Variants in PHLPP1 observed in about 807,000 individuals in gnomAD.
The protein encoded by PHLPP1 is PH domain and leucine rich repeat protein phosphatase 1, also known as PH domain leucine-rich repeat-containing protein phosphatase 1.
Under a neutral mutation model 117.2 loss-of-function variants are expected in PHLPP1, and 42 were observed. That is an observed-to-expected ratio of 0.36 (90% confidence interval 0.28 to 0.46). The LOEUF (loss-of-function observed/expected upper bound fraction) is 0.46. Among genes scored for constraint, PHLPP1 ranks in the 20% least tolerant of loss-of-function variants. PHLPP1 has a pLI of 1.00. For missense variants in PHLPP1, 2,084 were observed against 2,241.9 expected (o/e 0.93, Z 1.42); for synonymous variants, 1,042 against 970.7 (o/e 1.07, Z -1.37).
intron 2 of PHLPP1, among the ~76,000 whole-genome samples, chr18:62,831,856 A>G (rs559437608): frequency 6.6e-6 from 1 of 152,300 alleles, no homozygotes; most frequent in East Asian, 1.9e-4. Context: ...ATCATTTTCA[A>G]AAATAGGTTT....
At chr18:62,955,463 G>C (rs915513162) in intron 12 of PHLPP1, among the ~76,000 whole-genome samples, 11 of 152,156 alleles carry the variant, frequency 7.2e-5, no homozygotes, top group African/African-American at 2.7e-4. Context: ...GGTGCAGCCA[G>C]AGCCCTCCGG....
chr18:62,749,692 T>C (rs1040610542), intron 1 of PHLPP1, among the ~76,000 whole-genome samples: 1 of 152,176 alleles, frequency 6.6e-6, no homozygotes, highest in Non-Finnish European at 1.5e-5. Context: ...ACATCTCTGG[T>C]GTCTCTTGTG....
At chr18:62,772,525 T>C (rs1470134070) in intron 1 of PHLPP1, among the ~76,000 whole-genome samples, 1 of 152,128 alleles carries the variant, frequency 6.6e-6, no homozygotes, top group African/African-American at 2.4e-5. Flanking sequence ...AATTTTATTG[T>C]TTTTAAAAAA....
At chr18:62,895,348 A>G (rs947726982) in intron 5 of PHLPP1, among the ~76,000 whole-genome samples, 191 bp downstream of exon 5, 1 of 152,250 alleles carries the variant, frequency 6.6e-6, no homozygotes, top group African/African-American at 2.4e-5. Context: ...AGTCTTGTAA[A>G]AAAATTAAAT....
intron 1 of PHLPP1, among the ~76,000 whole-genome samples, chr18:62,788,938 G>T (rs925176416): frequency 1.3e-5 from 2 of 151,890 alleles, no homozygotes; most frequent in Non-Finnish European, 2.9e-5. Flanking sequence ...TAAGAGGTGT[G>T]TTTAAAAAAA....
chr18:62,781,401 G>A (rs976136178), intron 1 of PHLPP1, among the ~76,000 whole-genome samples: 13 of 152,176 alleles, frequency 8.5e-5, no homozygotes, highest in African/African-American at 3.1e-4. Flanking sequence ...ACAGGTGTCT[G>A]CTTCATCTTA....
intron 1 of PHLPP1, among the ~76,000 whole-genome samples, chr18:62,787,481 T>C (rs1913327827): frequency 6.6e-6 from 1 of 152,182 alleles, no homozygotes; most frequent in Non-Finnish European, 1.5e-5. Context: ...AGCATCGTTT[T>C]GAAGGGAGGA....
intron 1 of PHLPP1, among the ~76,000 whole-genome samples, chr18:62,748,797 A>G (rs1448790736): frequency 6.6e-6 from 1 of 152,152 alleles, no homozygotes; most frequent in African/African-American, 2.4e-5. Context: ...TATGGATTCA[A>G]TCTATTTATA....
At chr18:62,880,640 A>T (rs527305164) in intron 4 of PHLPP1, among the ~76,000 whole-genome samples, 1 of 152,324 alleles carries the variant, frequency 6.6e-6, no homozygotes, top group African/African-American at 2.4e-5. Flanking sequence ...ATGAAAAAAA[A>T]ATGTAGTCAT....
intron 9 of PHLPP1, 88 bp downstream of exon 9, chr18:62,915,096 G>A: frequency 2.2e-6 from 2 of 913,240 alleles, no homozygotes; most frequent in Non-Finnish European, 3.4e-6. Flanking sequence ...GGTATCATAA[G>A]CCTAAAAGAG....
chr18:62,844,882 T>C (rs1163039624), intron 3 of PHLPP1, among the ~76,000 whole-genome samples: 2 of 152,218 alleles, frequency 1.3e-5, no homozygotes, highest in Non-Finnish European at 2.9e-5. Flanking sequence ...CCAATATTGA[T>C]TAGCTAGATG....
At chr18:62,777,740 T>C (rs1300612766) in intron 1 of PHLPP1, among the ~76,000 whole-genome samples, 1 of 152,158 alleles carries the variant, frequency 6.6e-6, no homozygotes, top group Non-Finnish European at 1.5e-5. Context: ...ATTTCTGTTT[T>C]AGAAAGGACT....
rs534709974 is a variant in PHLPP1, at chr18:62,776,415, T to C, written c.1577-53620T>C. 2.4e-4 allele frequency among the ~76,000 whole-genome samples: 37 copies of C among 152,336 alleles called. 1 individual carries two copies. In the South Asian group the frequency reaches 7.0e-3, roughly 29 times the overall value. On this transcript the variant is annotated intron_variant, in intron 1 of 16. Transcript: ENST00000262719. The stretch of plus-strand genomic sequence containing the variant: ...ACCCACATTATAGAGGGAAGTCTAC[T>C]TAAAGTCAACTGAGTGTAGTTAATC...
At chr18:62,969,706 C>A (rs1049016446) in intron 14 of PHLPP1, among the ~76,000 whole-genome samples, 1 of 152,194 alleles carries the variant, frequency 6.6e-6, no homozygotes, top group Non-Finnish European at 1.5e-5. Context: ...GAACTGACCC[C>A]TTTATCATTA....
At position 62,972,535 on chromosome 18, in the gene PHLPP1, G is replaced by C; in HGVS notation, c.3582G>C (p.Ser1194=). ...GCAGGTTGTGTGTCGCAGCCCTGTCGGTGAATAACTTCTGTGACAACCGCG... is the reference window on the plus strand; with the variant it reads ...GCAGGTTGTGTGTCGCAGCCCTGTCCGTGAATAACTTCTGTGACAACCGCG... ...VKNKLCVAAL[S]VNNFCDNREA... is the part of the protein sequence containing the mutation. The change falls in exon 15 of 17, where the codon TCG becomes TCC. Residue 1194 remains serine (S), a synonymous_variant. Transcript: ENST00000262719. The C allele has an allele frequency of 1.2e-6, 2 of 1,612,772 alleles. No individual in the cohort carries two copies. Among genetic ancestry groups the C allele is most frequent in the Non-Finnish European group, 1.7e-6 (2 of 1,179,826 alleles).
chr18:62,975,324 T>C, intron 15 of PHLPP1, 73 bp from the exon 16 acceptor site: 1 of 982,046 alleles, frequency 1.0e-6, no homozygotes, highest in Non-Finnish European at 1.6e-6. Context: ...AGTGGTGCGG[T>C]CTTGCTGTTG....
intron 14 of PHLPP1, among the ~76,000 whole-genome samples, chr18:62,968,828 C>T (rs1232202118): frequency 6.6e-6 from 1 of 152,104 alleles, no homozygotes; most frequent in Non-Finnish European, 1.5e-5. Context: ...GCCACCATGC[C>T]CAGCCCATTA....
At chr18:62,735,304 A>C (rs1236008460) in intron 1 of PHLPP1, among the ~76,000 whole-genome samples, 2 of 151,980 alleles carry the variant, frequency 1.3e-5, no homozygotes, top group African/African-American at 2.4e-5. Flanking sequence ...GGCTGATCTC[A>C]AACTCCTTAG....
At chr18:62,889,428 A>G (rs1339369786) in intron 4 of PHLPP1, 1 of 152,204 alleles carries the variant, frequency 6.6e-6, no homozygotes, top group Non-Finnish European at 1.5e-5. Flanking sequence ...ATCTCCCTCT[A>G]CCTTGTCAAA....
Sources: allele counts gnomAD v4.1 joint callset (sites outside exome capture counted in the v4.1 genomes callset), GRCh38; gene constraint gnomAD v4.1.1; transcripts MANE v1.5; gene names NCBI Gene and HGNC (gene_info 2026-07-23, HGNC 2026-07-21).